The following DHX40 variants were observed in gnomAD, a reference collection of about 807,000 sequenced individuals.
The protein encoded by DHX40 is probable ATP-dependent RNA helicase DHX40.
In DHX40, 28 loss-of-function variants were observed where a neutral mutation model predicts 89.6. The ratio of observed to expected loss-of-function variants is 0.31; its 90% CI spans 0.23 to 0.43. DHX40 has a LOEUF of 0.43. DHX40 is among the 20% of genes least tolerant of loss of function. The pLI is 1.00. For missense variants in DHX40, 457 were observed against 844.0 expected, an observed-to-expected ratio of 0.54 and a Z score of 5.68; for synonymous variants, 226 against 283.6, an observed-to-expected ratio of 0.80 and a Z score of 2.04.
In DHX40 at chr17:59,605,487, T is replaced by C. The variant is rs1173287463; in HGVS notation, c.2013T>C (p.His671=). ...QETKLEWIIF[H]EVLVTTKVYA... Reference sequence around the variant, plus strand: ...CCAAACTTGAATGGATCATTTTTCATGAGGTATTGGTTACCACCAAAGTCT... The same window carrying C: ...CCAAACTTGAATGGATCATTTTTCACGAGGTATTGGTTACCACCAAAGTCT... The change falls in exon 17 of 18, where the codon CAT becomes CAC. Residue 671 remains histidine, a synonymous_variant. Coordinates refer to ENST00000251241, the MANE Select transcript of DHX40 (RefSeq NM_024612.5). 11 of 1,613,620 alleles carry C rather than the reference T, an allele frequency of 6.8e-6. No individual in the cohort carries two copies. The highest frequency in any genetic ancestry group is 2.2e-5 in the East Asian group (1 of 44,864).
At chr17:59,574,717 A>T (rs2048857178) in intron 6 of DHX40, among the ~76,000 whole-genome samples, 1 of 151,696 alleles carries the variant, frequency 6.6e-6, no homozygotes, top group Non-Finnish European at 1.5e-5. Context: ...ACCTGAGTTA[A>T]TTCCATTATT....
rs1416950750 is a variant in DHX40 at position 59,602,566 on chromosome 17, A to G, written c.1851A>G (p.Glu617=). The G allele has an allele frequency of 1.2e-6, 2 of 1,613,920 alleles. No individual in the cohort carries two copies. The highest frequency in any genetic ancestry group is 1.7e-5 in the Admixed American group (1 of 59,990). ...AGACCTTTGAAGGCCCTAAACATGA[A>G]GTACTACGAAGATGTCTTTGTGCGG... ...PKETFEGPKH[E]VLRRCLCAGY... The change falls in exon 15 of 18, where the codon GAA becomes GAG. Residue 617 remains glutamate, a synonymous_variant. Transcript: ENST00000251241.
chr17:59,579,012 T>C (rs2048919803), intron 8 of DHX40, among the ~76,000 whole-genome samples: 1 of 142,418 alleles, frequency 7.0e-6, no homozygotes, highest in African/African-American at 2.5e-5. Context: ...ATATATTCCA[T>C]TGTGTGTGTA....
rs1409190071 is a variant in DHX40, at chr17:59,573,844, G to A, written c.651G>A (p.Lys217=). ...TGTCAGCAACTATGGAATTAGCCAA[G>A]CTCTCTGCATTCTTTGGAAATTGTC... is the stretch of plus-strand genomic sequence containing the variant. ...VVMSATMELA[K]LSAFFGNCPI... is the part of the protein sequence containing the mutation. Residue 217 remains lysine, a synonymous_variant, in exon 5 of 18, where the codon AAG becomes AAA. Transcript: ENST00000251241. 5 of 1,613,158 alleles carry A rather than the reference G, an allele frequency of 3.1e-6. No individual in the cohort carries two copies. Among genetic ancestry groups the A allele is most frequent in the Non-Finnish European group, 4.2e-6 (5 of 1,179,704 alleles).
rs1230522896 is a variant in DHX40 at position 59,581,577 on chromosome 17, A to G, written c.1343+1698A>G. On this transcript the variant is annotated intron_variant, in intron 10 of 17. Coordinates refer to ENST00000251241, the MANE Select transcript of DHX40 (RefSeq NM_024612.5). Reference sequence around the variant, plus strand: ...ATCACCTGAGGTCAACCTGGCCAACATGGTGTAACCCTGTCTCTATTAAAA... The same window carrying G: ...ATCACCTGAGGTCAACCTGGCCAACGTGGTGTAACCCTGTCTCTATTAAAA... Among the ~76,000 whole-genome samples the G allele has an allele frequency of 5.3e-5, 3 of 56,676 alleles. 1 individual carries two copies. In the East Asian group the frequency reaches 2.3e-3, roughly 43 times the overall value. 37.2% of individuals were successfully genotyped at this position (56,676 alleles called of 152,430 possible).
rs2030931713 is a variant in DHX40 at position 59,607,348 on chromosome 17, G to A, written c.*176G>A. On this transcript the variant is annotated 3_prime_UTR_variant, in exon 18 of 18. Coordinates refer to ENST00000251241, the MANE Select transcript of DHX40 (RefSeq NM_024612.5). ...AAGCTCATCAGTTCCCATAAATGCA[G>A]TTGTCAAAGAAAAGATTTGGTTGCC... 7.7e-7 allele frequency: 1 copy of A among 1,296,880 alleles called. No individual in the cohort carries two copies. Among genetic ancestry groups the A allele is most frequent in the Non-Finnish European group, 1.1e-6 (1 of 931,122 alleles). 80.3% of individuals were successfully genotyped at this position (1,296,880 alleles called of 1,614,324 possible).
At chr17:59,586,742 A>G (rs1332985844) in intron 11 of DHX40, among the ~76,000 whole-genome samples, 3 of 152,104 alleles carry the variant, frequency 2.0e-5, no homozygotes, top group African/African-American at 7.2e-5. Flanking sequence ...TTTAACAAGT[A>G]ATTTCTGAGT....
At chr17:59,605,419 C>T (rs1301723501) in intron 16 of DHX40, 27 bp from the exon 17 acceptor site, 5 of 1,593,086 alleles carry the variant, frequency 3.1e-6, no homozygotes, top group Admixed American at 1.7e-5. Flanking sequence ...ATTGAGTTAC[C>T]ATCATTAAAA....
chr17:59,566,019 A>G (rs1023305094), intron 1 of DHX40, among the ~76,000 whole-genome samples: 1 of 152,172 alleles, frequency 6.6e-6, no homozygotes, highest in African/African-American at 2.4e-5. Context: ...AGTGAACCCC[A>G]ACGCCCGAAA....
intron 10 of DHX40, among the ~76,000 whole-genome samples, chr17:59,583,498 T>TA (rs1228668908): frequency 8.5e-6 from 1 of 118,110 alleles, no homozygotes; most frequent in African/African-American, 2.6e-5. Flanking sequence ...GTGTTTGGGA[T>TA]GTACAATAGC....
Position 59,598,860 on chromosome 17 carries a change from G to A in DHX40, c.1697+9G>A, listed in dbSNP as rs1232591142. ...GAACAATGCAAATCAAGGTATGTAAGGTAGTCCTTTGTCCTGAAAAATGTC... is the reference window on the plus strand; with the variant it reads ...GAACAATGCAAATCAAGGTATGTAAAGTAGTCCTTTGTCCTGAAAAATGTC... On this transcript the variant is annotated intron_variant, in intron 13 of 17. Transcript: ENST00000251241. The A allele has an allele frequency of 5.6e-6, 7 of 1,246,252 alleles. No homozygotes were observed. The highest frequency in any genetic ancestry group is 8.3e-6 in the Non-Finnish European group (7 of 847,564). 77.2% of individuals were successfully genotyped at this position (1,246,252 alleles called of 1,614,324 possible). A position where few individuals can be genotyped will look rare whatever the true frequency, so the allele number is the denominator to read the frequency against.
intron 3 of DHX40, among the ~76,000 whole-genome samples, chr17:59,572,768 T>C (rs879646333): frequency 4.6e-5 from 7 of 152,184 alleles, no homozygotes; most frequent in Non-Finnish European, 7.4e-5. Flanking sequence ...TCCTCTAAAA[T>C]AGGGGCTGAG....
chr17:59,592,960 AG>A (rs999059019), intron 12 of DHX40, among the ~76,000 whole-genome samples: 4 of 104,606 alleles, frequency 3.8e-5, no homozygotes, highest in African/African-American at 8.1e-5. Flanking sequence ...ATGTATGTTA[AG>A]GTTTATTCAT....
At chr17:59,601,006 A>G (rs567332100) in intron 14 of DHX40, among the ~76,000 whole-genome samples, 6 of 151,792 alleles carry the variant, frequency 4.0e-5, no homozygotes, top group East Asian at 1.9e-4. Context: ...CCATTCAACA[A>G]TAACTCCCCA....
chr17:59,571,955 C>CGTGTCACTCTT (rs1403437763), intron 3 of DHX40, among the ~76,000 whole-genome samples: 3 of 152,122 alleles, frequency 2.0e-5, no homozygotes, highest in African/African-American at 7.2e-5. Flanking sequence ...TTTTGTACTT[C>CGTGTCACTCTT]GTGTCACTCT....
intron 2 of DHX40, among the ~76,000 whole-genome samples, chr17:59,568,802 A>G (rs2048744439): frequency 6.6e-6 from 1 of 151,156 alleles, no homozygotes; most frequent in African/African-American, 2.4e-5. Context: ...ATGCAGCTCC[A>G]TTCCCAAATA....
At chr17:59,598,110 AC>A (rs2143338554) in intron 12 of DHX40, among the ~76,000 whole-genome samples, 1 of 152,082 alleles carries the variant, frequency 6.6e-6, no homozygotes, top group Non-Finnish European at 1.5e-5. Context: ...CAATTGATCC[AC>A]TTGCCTTGGC....
chr17:59,586,014 C>CAT (rs2048990119), intron 10 of DHX40, 139 bp from the exon 11 acceptor site: 4 of 670,032 alleles, frequency 6.0e-6, no homozygotes, highest in Non-Finnish European at 1.0e-5. Context: ...TGATCATGAT[C>CAT]ATATAATTTT....
rs1009963856 is a variant in DHX40, at chr17:59,608,309, T to C, written c.*1137T>C. ...TTGCACATAGTAGTCACTCAGTGTT[T>C]GTTAAATAAAGCTATTAGTGTCATT... is the stretch of plus-strand genomic sequence containing the variant. On this transcript the variant is annotated 3_prime_UTR_variant, in exon 18 of 18. Transcript: ENST00000251241. 6.5e-6 allele frequency: 1 copy of C among 152,676 alleles called. No homozygotes were observed. Among genetic ancestry groups the C allele is most frequent in the African/African-American group, 2.4e-5 (1 of 41,460 alleles). The allele number at this position is 152,676 out of a possible 1,614,324, so 9.5% of individuals were successfully genotyped here. A position where few individuals can be genotyped will look rare whatever the true frequency, so the allele number is the denominator to read the frequency against.
Sources: allele counts gnomAD v4.1 joint callset (sites outside exome capture counted in the v4.1 genomes callset), GRCh38; gene constraint gnomAD v4.1.1; transcripts MANE v1.5; gene names NCBI Gene and HGNC (gene_info 2026-07-23, HGNC 2026-07-21).